Variants in LDLRAD3 observed in about 807,000 individuals in gnomAD.
LDLRAD3 encodes low-density lipoprotein receptor class A domain-containing protein 3.
LDLRAD3 carries 20 observed loss-of-function variants against 29.4 expected under a neutral mutation model. That is an observed-to-expected ratio of 0.68 (90% CI 0.48 to 0.99). LDLRAD3 has a LOEUF of 0.99. Among genes scored for constraint, LDLRAD3 ranks in the 50% least tolerant of loss-of-function variants. The probability of loss-of-function intolerance (pLI) is 0.00; values close to 1 mark genes in which losing one functional copy is unlikely to be tolerated. For missense variants in LDLRAD3, 420 were observed against 454.3 expected (o/e 0.92, Z 0.69); for synonymous variants, 157 against 192.7 (o/e 0.81, Z 1.53).
At position 36,088,824 on chromosome 11, in the gene LDLRAD3, A is replaced by T. The variant is rs142616084; in HGVS notation, c.319+7046A>T. On this transcript the variant is annotated intron_variant, in intron 3 of 5. Transcript: ENST00000315571. ...TGGTTTGCCAAGGCTGGGCTGGGTC[A>T]TCCTCCTGTGTGTTCTCAGACCATA... Among the ~76,000 whole-genome samples, 60 of 152,276 alleles carry T rather than the reference A, an allele frequency of 3.9e-4. No homozygotes were observed. In the East Asian group the frequency reaches 5.8e-3, roughly 15 times the overall value.
intron 2 of LDLRAD3, among the ~76,000 whole-genome samples, chr11:36,079,786 A>T (rs1853082369): frequency 6.6e-6 from 1 of 152,102 alleles, no homozygotes; most frequent in African/African-American, 2.4e-5. Flanking sequence ...TGGGTTTGTG[A>T]TTAGCCATTT....
At chr11:36,143,239 G>A (rs191540065) in intron 4 of LDLRAD3, among the ~76,000 whole-genome samples, 3 of 152,278 alleles carry the variant, frequency 2.0e-5, no homozygotes, top group Admixed American at 6.5e-5. Flanking sequence ...CAGGCACAAC[G>A]CGCTGTCTCC....
intron 4 of LDLRAD3, among the ~76,000 whole-genome samples, chr11:36,131,835 C>T (rs1853930350): frequency 6.6e-6 from 1 of 152,174 alleles, no homozygotes; most frequent in South Asian, 2.1e-4. Context: ...CCTCATTGAA[C>T]CCACCTGGGG....
At chr11:36,069,649 T>A (rs200560782) in intron 2 of LDLRAD3, among the ~76,000 whole-genome samples, 12 of 150,010 alleles carry the variant, frequency 8.0e-5, no homozygotes, top group Admixed American at 6.0e-4. Context: ...TTTTTTTTTT[T>A]AATTAATGAA....
intron 1 of LDLRAD3, among the ~76,000 whole-genome samples, chr11:35,970,560 C>T (rs982064744): frequency 6.6e-6 from 1 of 152,158 alleles, no homozygotes; most frequent in East Asian, 1.9e-4. Flanking sequence ...CCACTCAGTT[C>T]GTGGCAATTA....
intron 4 of LDLRAD3, among the ~76,000 whole-genome samples, chr11:36,141,730 G>C (rs1854089691): frequency 6.6e-6 from 1 of 152,166 alleles, no homozygotes; most frequent in Non-Finnish European, 1.5e-5. Context: ...CGTGGAGTGA[G>C]CCAGGTGCCC....
At chr11:36,098,521 C>A (rs1853398790) in intron 4 of LDLRAD3, 60 bp downstream of exon 4, 2 of 1,587,008 alleles carry the variant, frequency 1.3e-6, no homozygotes, top group Non-Finnish European at 8.6e-7. Flanking sequence ...TAATGGAACA[C>A]CCTGAAAGGC....
intron 1 of LDLRAD3, among the ~76,000 whole-genome samples, chr11:35,950,992 A>G (rs1186468089): frequency 6.6e-6 from 1 of 152,118 alleles, no homozygotes. Context: ...CTGAGGCAGG[A>G]GAATCACTTG....
intron 2 of LDLRAD3, among the ~76,000 whole-genome samples, chr11:36,049,057 G>T (rs1031286753): frequency 1.1e-4 from 16 of 152,238 alleles, no homozygotes; most frequent in South Asian, 4.2e-4. Flanking sequence ...TCATGTTTCT[G>T]TGTTTCTGGA....
chr11:36,194,579 T>C (rs753356108), intron 4 of LDLRAD3, among the ~76,000 whole-genome samples: 56 of 152,180 alleles, frequency 3.7e-4, no homozygotes, highest in Non-Finnish European at 6.2e-4. Flanking sequence ...GGTGATTAGA[T>C]ACAGTCCTAT....
intron 4 of LDLRAD3, among the ~76,000 whole-genome samples, chr11:36,106,872 G>A (rs1853536710): frequency 6.6e-6 from 1 of 152,228 alleles, no homozygotes; most frequent in Non-Finnish European, 1.5e-5. Context: ...TGGATGCGGG[G>A]CTTGCTTTGG....
chr11:36,156,884 C>T (rs556678361), intron 4 of LDLRAD3, among the ~76,000 whole-genome samples: 32 of 152,290 alleles, frequency 2.1e-4, no homozygotes, highest in Admixed American at 1.5e-3. Flanking sequence ...TTTGGGAGAA[C>T]GTGTGTATGT....
At chr11:36,067,494 ATTG>A (rs1852815286) in intron 2 of LDLRAD3, among the ~76,000 whole-genome samples, 1 of 152,216 alleles carries the variant, frequency 6.6e-6, no homozygotes, top group Non-Finnish European at 1.5e-5. Flanking sequence ...TAATTATTAC[ATTG>A]TCTTATTTAA....
chr11:36,054,000 T>G (rs1253146786), intron 2 of LDLRAD3, among the ~76,000 whole-genome samples: 1 of 152,182 alleles, frequency 6.6e-6, no homozygotes, highest in Non-Finnish European at 1.5e-5. Flanking sequence ...AAACATAAAC[T>G]GTGGATTGTA....
intron 1 of LDLRAD3, among the ~76,000 whole-genome samples, chr11:35,958,717 C>A (rs1054644185): frequency 6.6e-6 from 1 of 152,138 alleles, no homozygotes; most frequent in Non-Finnish European, 1.5e-5. Flanking sequence ...CAATTAACTA[C>A]CCCCTACATT....
chr11:36,015,077 G>C, intron 1 of LDLRAD3, among the ~76,000 whole-genome samples: 1 of 152,308 alleles, frequency 6.6e-6, no homozygotes, highest in Middle Eastern at 3.4e-3. Flanking sequence ...GAACTGAAGC[G>C]ACAGCAGCCA....
intron 2 of LDLRAD3, among the ~76,000 whole-genome samples, chr11:36,048,304 G>A (rs367901388): frequency 6.6e-6 from 1 of 152,184 alleles, no homozygotes; most frequent in Non-Finnish European, 1.5e-5. Context: ...TGATAGTCTG[G>A]TTCTGAGGAG....
At chr11:36,108,446 C>G (rs1019701847) in intron 4 of LDLRAD3, among the ~76,000 whole-genome samples, 6 of 150,770 alleles carry the variant, frequency 4.0e-5, no homozygotes, top group African/African-American at 1.2e-4. Flanking sequence ...GGTCTCTGCT[C>G]TAATAGAGCT....
At chr11:36,083,513 C>T (rs1324144350) in intron 3 of LDLRAD3, among the ~76,000 whole-genome samples, 2 of 151,546 alleles carry the variant, frequency 1.3e-5, no homozygotes, top group African/African-American at 2.4e-5. Context: ...AAATAATAAC[C>T]GAAAAGTAGT....
Sources: allele counts gnomAD v4.1 joint callset (sites outside exome capture counted in the v4.1 genomes callset), GRCh38; gene constraint gnomAD v4.1.1; transcripts MANE v1.5; gene names NCBI Gene and HGNC (gene_info 2026-07-23, HGNC 2026-07-21).